Variants in SNTG1 observed in about 807,000 individuals in gnomAD.
SNTG1 encodes syntrophin gamma 1, also known as gamma-1-syntrophin.
SNTG1 carries 39 observed loss-of-function variants against 74.7 expected under a neutral mutation model. The observed-to-expected ratio is 0.52, with a 90% CI of 0.40 to 0.68. The LOEUF is 0.68. SNTG1 is among the 30% of genes least tolerant of loss of function. The pLI, the probability that SNTG1 is intolerant of heterozygous loss-of-function variation, is 0.00. For synonymous variants in SNTG1, 254 were observed against 217.1 expected (o/e 1.17, Z -1.49); for missense variants, 685 against 609.5 (o/e 1.12, Z -1.30).
intron 18 of SNTG1, among the ~76,000 whole-genome samples, chr8:50,784,767 A>G (rs2095669956): frequency 6.6e-6 from 1 of 152,198 alleles, no homozygotes; most frequent in Non-Finnish European, 1.5e-5. Flanking sequence ...AGATCTAACT[A>G]CAATACACTA....
intron 9 of SNTG1, 82 bp from the exon 10 acceptor site, chr8:50,530,095 C>G: frequency 1.8e-6 from 2 of 1,099,220 alleles, no homozygotes; most frequent in Non-Finnish European, 2.8e-6. Flanking sequence ...TACTGAGTAT[C>G]CTTGAAAGTG....
In SNTG1 at chr8:50,713,471, T is replaced by C. The variant is rs1316103828; in HGVS notation, c.1284+4493T>C. ...ATAGGTTGCCTGTTCACTCTGATGA[T>C]AGTTTCTTTTGCTGTGCAGAAGCTC... On this transcript the variant is annotated intron_variant, in intron 17 of 18. Coordinates refer to ENST00000642720, the MANE Select transcript of SNTG1 (RefSeq NM_018967.5). Among the ~76,000 whole-genome samples, 6 of 152,294 alleles carry C rather than the reference T, an allele frequency of 3.9e-5. No individual in the cohort carries two copies. In the South Asian group the frequency reaches 8.3e-4, roughly 21 times the overall value.
chr8:50,128,019 C>A (rs549104543), intron 1 of SNTG1, among the ~76,000 whole-genome samples: 1 of 152,176 alleles, frequency 6.6e-6, no homozygotes, highest in African/African-American at 2.4e-5. Flanking sequence ...TAAAAAATGT[C>A]TTTTACTGCA....
chr8:50,695,184 A>T (rs1020291285), intron 15 of SNTG1, among the ~76,000 whole-genome samples: 4 of 151,718 alleles, frequency 2.6e-5, no homozygotes, highest in Non-Finnish European at 4.4e-5. Context: ...ATGTAAAAAA[A>T]AACCCAAGAT....
intron 2 of SNTG1, among the ~76,000 whole-genome samples, chr8:50,253,146 G>T (rs1011850262): frequency 1.3e-5 from 2 of 152,154 alleles, no homozygotes; most frequent in Non-Finnish European, 2.9e-5. Flanking sequence ...AAAAATAGAG[G>T]CCATGCTCAA....
chr8:50,501,611 ATT>A (rs57220646), intron 8 of SNTG1, among the ~76,000 whole-genome samples: 1,543 of 134,114 alleles, frequency 0.012, 22 homozygotes, highest in African/African-American at 0.037. Context: ...ATTTTTTTTT[ATT>A]TTTTTTTTTT....
intron 9 of SNTG1, among the ~76,000 whole-genome samples, chr8:50,516,833 A>C (rs1233928574): frequency 6.6e-6 from 1 of 152,238 alleles, no homozygotes; most frequent in Non-Finnish European, 1.5e-5. Flanking sequence ...TGTGCCTAAA[A>C]GTGAAAGGGA....
At chr8:49,994,758 C>T (rs569774820) in intron 1 of SNTG1, among the ~76,000 whole-genome samples, 2 of 151,360 alleles carry the variant, frequency 1.3e-5, no homozygotes, top group Non-Finnish European at 2.9e-5. Context: ...TGAAAGATGA[C>T]AATGTTTTAT....
At chr8:50,078,646 C>A (rs1427408978) in intron 1 of SNTG1, among the ~76,000 whole-genome samples, 1 of 152,070 alleles carries the variant, frequency 6.6e-6, no homozygotes, top group East Asian at 1.9e-4. Context: ...CTGCACTTAT[C>A]AATCTGTCAT....
At chr8:49,970,891 C>T (rs920538425) in intron 1 of SNTG1, among the ~76,000 whole-genome samples, 6 of 152,126 alleles carry the variant, frequency 3.9e-5, no homozygotes, top group Non-Finnish European at 5.9e-5. Flanking sequence ...ACTCAACTCC[C>T]AGCTGGGTTC....
intron 15 of SNTG1, among the ~76,000 whole-genome samples, chr8:50,683,738 A>T (rs1363888360): frequency 6.6e-6 from 1 of 152,224 alleles, no homozygotes; most frequent in Non-Finnish European, 1.5e-5. Flanking sequence ...GGATTTAGGA[A>T]AAGTGGAATA....
rs550622029 is a variant in SNTG1 at position 50,417,227 on chromosome 8, G to A, written c.162+14883G>A. 7.9e-5 allele frequency among the ~76,000 whole-genome samples: 12 copies of A among 152,162 alleles called. No homozygotes were observed. The East Asian group carries it at 1.2e-3, about 15-fold the overall frequency. ...TATACACAAGTTGGAACATCTCTGC[G>A]ATAAGGAGCATATGCAGAATTTTGA... On this transcript the variant is annotated intron_variant, in intron 4 of 18. Coordinates refer to ENST00000642720, the MANE Select transcript of SNTG1 (RefSeq NM_018967.5).
At chr8:50,406,094 G>T (rs2092871962) in intron 4 of SNTG1, among the ~76,000 whole-genome samples, 1 of 151,996 alleles carries the variant, frequency 6.6e-6, no homozygotes, top group Non-Finnish European at 1.5e-5. Context: ...TATCATTGCA[G>T]TTTTTATAAG....
At chr8:50,726,365 T>C (rs1194373390) in intron 17 of SNTG1, among the ~76,000 whole-genome samples, 2 of 152,192 alleles carry the variant, frequency 1.3e-5, no homozygotes, top group Non-Finnish European at 1.5e-5. Flanking sequence ...GAGTTATGAT[T>C]TTCCTGGAGA....
chr8:50,711,899 G>T lies in SNTG1; in HGVS notation c.1284+2921G>T, dbSNP rs114440548. Among the ~76,000 whole-genome samples, 1,303 of 152,218 alleles carry T rather than the reference G, an allele frequency of 8.6e-3. 27 individuals carry two copies. The highest frequency in any genetic ancestry group is 0.029 in the African/African-American group (1,200 of 41,540). ...TTAAAATGTAGCATTTTCACTGTTA[G>T]AGAAGGGTATTATTATTATTATGTC... On this transcript the variant is annotated intron_variant, in intron 17 of 18. Transcript: ENST00000642720.
intron 1 of SNTG1, among the ~76,000 whole-genome samples, chr8:50,067,088 A>T (rs1201067341): frequency 6.6e-6 from 1 of 152,008 alleles, no homozygotes; most frequent in Non-Finnish European, 1.5e-5. Flanking sequence ...GTCATCTTAC[A>T]TTTGTCTTAA....
intron 1 of SNTG1, among the ~76,000 whole-genome samples, chr8:50,079,091 G>T (rs967689462): frequency 2.0e-5 from 3 of 152,164 alleles, no homozygotes; most frequent in Admixed American, 1.3e-4. Context: ...GGATTGGTGG[G>T]TCTAATAGTA....
intron 2 of SNTG1, among the ~76,000 whole-genome samples, chr8:50,218,181 C>T (rs962505668): frequency 3.3e-5 from 5 of 152,100 alleles, no homozygotes; most frequent in Non-Finnish European, 7.4e-5. Flanking sequence ...TTTATGTTGC[C>T]TAACACTGGC....
intron 1 of SNTG1, among the ~76,000 whole-genome samples, chr8:49,991,152 C>T (rs190931926): frequency 6.6e-6 from 1 of 152,220 alleles, no homozygotes; most frequent in African/African-American, 2.4e-5. Context: ...CTCTCCTCCA[C>T]AGGAGGTATG....
Sources: allele counts gnomAD v4.1 joint callset (sites outside exome capture counted in the v4.1 genomes callset), GRCh38; gene constraint gnomAD v4.1.1; transcripts MANE v1.5; gene names NCBI Gene and HGNC (gene_info 2026-07-23, HGNC 2026-07-21).